The following NDUFAF2 variants were observed in gnomAD, a reference collection of about 807,000 sequenced individuals.
NDUFAF2 encodes the protein NADH dehydrogenase [ubiquinone] 1 alpha subcomplex assembly factor 2.
A neutral mutation model predicts 22.8 loss-of-function variants in NDUFAF2; 13 were observed. The observed-to-expected ratio is 0.57, with a 90% CI of 0.37 to 0.91. NDUFAF2 has a LOEUF of 0.91. NDUFAF2 is among the 40% of genes least tolerant of loss of function. The pLI is 0.01. For missense variants in NDUFAF2, 162 were observed against 195.2 expected (o/e 0.83, Z 1.01); for synonymous variants, 53 against 64.2 (o/e 0.83, Z 0.84).
intron 1 of NDUFAF2, among the ~76,000 whole-genome samples, chr5:61,006,228 G>C (rs1186231302): frequency 6.6e-6 from 1 of 152,048 alleles, no homozygotes; most frequent in Non-Finnish European, 1.5e-5. Context: ...TTTTTATCAG[G>C]TTTGTCAAAG....
At chr5:60,988,643 G>A (rs1751115933) in intron 1 of NDUFAF2, among the ~76,000 whole-genome samples, 1 of 152,114 alleles carries the variant, frequency 6.6e-6, no homozygotes. Context: ...ACAACCATCT[G>A]ATCTTTGACA....
intron 2 of NDUFAF2, among the ~76,000 whole-genome samples, chr5:61,082,902 G>A (rs1393868001): frequency 1.3e-5 from 2 of 152,138 alleles, no homozygotes; most frequent in Non-Finnish European, 1.5e-5. Flanking sequence ...TGGGATTGCT[G>A]GGTCAAGTGA....
intron 1 of NDUFAF2, among the ~76,000 whole-genome samples, chr5:60,952,107 G>A (rs1350552155): frequency 1.3e-5 from 2 of 151,318 alleles, no homozygotes; most frequent in African/African-American, 4.9e-5. Flanking sequence ...TTGTTTTCTT[G>A]GCCTATCTGA....
chr5:61,131,976 AT>A (rs1265714726), intron 3 of NDUFAF2, among the ~76,000 whole-genome samples: 1 of 152,202 alleles, frequency 6.6e-6, no homozygotes, highest in Non-Finnish European at 1.5e-5. Flanking sequence ...AGAAAAGAAC[AT>A]TCTGAAGGAG....
intron 3 of NDUFAF2, among the ~76,000 whole-genome samples, chr5:61,110,871 T>C (rs1389803855): frequency 6.6e-6 from 1 of 152,044 alleles, no homozygotes; most frequent in Non-Finnish European, 1.5e-5. Context: ...TTGGGTTTGG[T>C]TTCCTTTTGC....
Position 60,945,334 on chromosome 5 carries a change from CA to C in NDUFAF2, c.81del (p.Gln27HisfsTer26), listed in dbSNP as rs781560448. 6.2e-7 allele frequency: 1 copy of C among 1,614,118 alleles called. No individual in the cohort carries two copies. The highest frequency in any genetic ancestry group is 2.2e-5 in the East Asian group (1 of 44,870). On this transcript the variant is annotated frameshift_variant, in exon 1 of 4. Coordinates refer to ENST00000296597, the MANE Select transcript of NDUFAF2 (RefSeq NM_174889.5). LOFTEE classifies it high-confidence loss of function. ...AGTGAAGGAGCACGTGGGCACGGAC[CA>C]ATTCGGGAACAAATACTACTACATC... ...REVKEHVGTD[Q>X]FGNKYYYIPQ...
At chr5:61,040,251 G>A (rs1053721937) in intron 1 of NDUFAF2, among the ~76,000 whole-genome samples, 1 of 131,896 alleles carries the variant, frequency 7.6e-6, no homozygotes, top group African/African-American at 2.8e-5. Context: ...AAGAGGAAAG[G>A]ACACACACAC....
chr5:61,113,535 C>T (rs1195573881), intron 3 of NDUFAF2, among the ~76,000 whole-genome samples: 5 of 152,108 alleles, frequency 3.3e-5, no homozygotes, highest in Non-Finnish European at 5.9e-5. Context: ...GTAATTGCAT[C>T]ATAGGGGTGG....
chr5:61,041,913 C>T (rs1751888031), intron 1 of NDUFAF2, among the ~76,000 whole-genome samples: 2 of 152,180 alleles, frequency 1.3e-5, no homozygotes, highest in Admixed American at 6.5e-5. Context: ...CCATTGCAGT[C>T]ATGGGCAAAC....
At chr5:60,958,087 C>G (rs948913619) in intron 1 of NDUFAF2, among the ~76,000 whole-genome samples, 2 of 152,206 alleles carry the variant, frequency 1.3e-5, no homozygotes, top group African/African-American at 4.8e-5. Context: ...AGTCTGTTCA[C>G]TTGTGCTAAT....
intron 1 of NDUFAF2, among the ~76,000 whole-genome samples, chr5:61,019,622 C>G (rs537453307): frequency 1.8e-4 from 27 of 152,030 alleles, no homozygotes; most frequent in African/African-American, 6.3e-4. Context: ...CTAAAAAACC[C>G]TCCTGCTATA....
At chr5:61,064,521 A>G (rs992482842) in intron 1 of NDUFAF2, among the ~76,000 whole-genome samples, 1 of 152,096 alleles carries the variant, frequency 6.6e-6, no homozygotes, top group Non-Finnish European at 1.5e-5. Context: ...GATTGACCAT[A>G]TATCTAGTAT....
chr5:60,977,721 C>T (rs1750920570), intron 1 of NDUFAF2, among the ~76,000 whole-genome samples: 2 of 151,850 alleles, frequency 1.3e-5, no homozygotes, highest in South Asian at 4.2e-4. Context: ...CCTGTAATCC[C>T]AGCTACTGGG....
intron 1 of NDUFAF2, among the ~76,000 whole-genome samples, chr5:60,985,159 T>C (rs568492311): frequency 1.4e-4 from 21 of 152,354 alleles, no homozygotes; most frequent in Admixed American, 1.0e-3. Flanking sequence ...CCATTTCTTG[T>C]AGATTTTCTA....
Position 61,109,050 on chromosome 5 carries a change from T to C in NDUFAF2, c.258+10018T>C, listed in dbSNP as rs192458481. Among the ~76,000 whole-genome samples the C allele has an allele frequency of 6.6e-5, 10 of 152,296 alleles. No homozygotes were observed. The East Asian group carries it at 1.9e-3, about 29-fold the overall frequency. On this transcript the variant is annotated intron_variant, in intron 3 of 3. Coordinates refer to ENST00000296597, the MANE Select transcript of NDUFAF2 (RefSeq NM_174889.5). ...AATCTGTAGATTGCTTTGGGTAATA[T>C]GGACGTTTTTAACAATATTTATTCT...
chr5:61,076,620 C>G (rs1039786879), intron 2 of NDUFAF2, among the ~76,000 whole-genome samples: 3 of 152,228 alleles, frequency 2.0e-5, no homozygotes, highest in Non-Finnish European at 4.4e-5. Flanking sequence ...TCTGGGGGGC[C>G]TTGTAGGCCA....
intron 3 of NDUFAF2, among the ~76,000 whole-genome samples, chr5:61,117,887 A>G (rs1752932129): frequency 6.6e-6 from 1 of 152,086 alleles, no homozygotes; most frequent in Non-Finnish European, 1.5e-5. Flanking sequence ...ATAAAACGTT[A>G]TTTACAGAAA....
intron 1 of NDUFAF2, among the ~76,000 whole-genome samples, chr5:60,962,531 G>A (rs1750702636): frequency 6.6e-6 from 1 of 152,014 alleles, no homozygotes; most frequent in African/African-American, 2.4e-5. Flanking sequence ...TTCACCTTGT[G>A]CTACATTCAT....
At chr5:61,026,244 A>G (rs1404187101) in intron 1 of NDUFAF2, among the ~76,000 whole-genome samples, 1 of 152,024 alleles carries the variant, frequency 6.6e-6, no homozygotes, top group Admixed American at 6.6e-5. Context: ...AGCAGCCTGC[A>G]GGGGAGGAGG....
Sources: allele counts gnomAD v4.1 joint callset (sites outside exome capture counted in the v4.1 genomes callset), GRCh38; gene constraint gnomAD v4.1.1; transcripts MANE v1.5; gene names NCBI Gene and HGNC (gene_info 2026-07-23, HGNC 2026-07-21).